The following ZFHX3 variants were observed in gnomAD, a reference collection of about 807,000 sequenced individuals.
ZFHX3 encodes zinc finger homeobox protein 3.
Under a neutral mutation model 279.1 loss-of-function variants are expected in ZFHX3, and 42 were observed. The ratio of observed to expected loss-of-function variants is 0.15; its 90% CI spans 0.12 to 0.19. ZFHX3 has a LOEUF of 0.19. Among genes scored for constraint, ZFHX3 ranks in the 10% least tolerant of loss-of-function variants. The pLI is 1.00. For synonymous variants in ZFHX3, 2,293 were observed against 1,957.8 expected (o/e 1.17, Z -4.52); for missense variants, 4,981 against 4,754.0 (o/e 1.05, Z -1.40).
At chr16:72,996,423 T>C (rs1486358622) in intron 1 of ZFHX3, among the ~76,000 whole-genome samples, 1 of 152,210 alleles carries the variant, frequency 6.6e-6, no homozygotes, top group Non-Finnish European at 1.5e-5. Flanking sequence ...TCATCTTCTG[T>C]AAACCAGTGT....
intron 1 of ZFHX3, among the ~76,000 whole-genome samples, chr16:73,696,152 T>C (rs1408764017): frequency 1.3e-5 from 2 of 152,188 alleles, no homozygotes; most frequent in African/African-American, 4.8e-5. Flanking sequence ...GGTTGAGGGC[T>C]TTCAGTGGCA....
At chr16:73,867,394 G>A (rs757760103) in intron 1 of ZFHX3, among the ~76,000 whole-genome samples, 2 of 152,140 alleles carry the variant, frequency 1.3e-5, no homozygotes, top group Non-Finnish European at 2.9e-5. Flanking sequence ...ACGTAGCTTA[G>A]TAAGGTGGAT....
chr16:72,963,104 G>A (rs573144316), intron 1 of ZFHX3, among the ~76,000 whole-genome samples: 45 of 152,166 alleles, frequency 3.0e-4, no homozygotes, highest in Non-Finnish European at 4.3e-4. Flanking sequence ...TAAAATCAAT[G>A]ATCTTCAGTT....
At chr16:72,948,022 T>C (rs559179865) in intron 3 of ZFHX3, among the ~76,000 whole-genome samples, 1 of 152,216 alleles carries the variant, frequency 6.6e-6, no homozygotes, top group South Asian at 2.1e-4. Context: ...CCTTCCTTAG[T>C]GGCAAGAGAA....
In ZFHX3 at chr16:73,262,616, T is replaced by A. The variant is rs150505369; in HGVS notation, c.-1193-5480A>T. Among the ~76,000 whole-genome samples, 957 of 152,302 alleles carry A rather than the reference T, an allele frequency of 6.3e-3. 19 individuals are homozygous for A. Among genetic ancestry groups the A allele is most frequent in the African/African-American group, 0.022 (904 of 41,554 alleles). ...AAAGTGGTTGCCCAAGGTGGCATCA[T>A]CAACCAGAAGCAGATTTGGCCCTAG... On this transcript the variant is annotated intron_variant, in intron 4 of 17. Coordinates refer to the ZFHX3 transcript ENST00000641206.
chr16:73,195,957 T>C (rs1282933601), intron 5 of ZFHX3, among the ~76,000 whole-genome samples: 1 of 152,192 alleles, frequency 6.6e-6, no homozygotes, highest in African/African-American at 2.4e-5. Flanking sequence ...TATACGTGTA[T>C]ATCTTTGTAT....
At chr16:72,957,320 C>T (rs1390243207) in intron 2 of ZFHX3, 107 bp downstream of exon 2, 28 of 1,370,528 alleles carry the variant, frequency 2.0e-5, no homozygotes, top group Non-Finnish European at 2.8e-5. Flanking sequence ...AAAAACCACT[C>T]GAGAAGACCA....
chr16:73,729,205 CT>C (rs1334130664), intron 1 of ZFHX3, among the ~76,000 whole-genome samples: 1 of 152,202 alleles, frequency 6.6e-6, no homozygotes, highest in Non-Finnish European at 1.5e-5. Flanking sequence ...TGCTGGCTGC[CT>C]TCCTTCCCTG....
chr16:73,484,800 T>G (rs12446444), intron 2 of ZFHX3, among the ~76,000 whole-genome samples: 9,559 of 152,296 alleles, frequency 0.063, 658 homozygotes, highest in Admixed American at 0.22. Context: ...TTCATCTATG[T>G]TCCTCCAGTT....
chr16:73,669,329 C>T (rs2052878701), intron 2 of ZFHX3, among the ~76,000 whole-genome samples: 1 of 152,250 alleles, frequency 6.6e-6, no homozygotes, highest in African/African-American at 2.4e-5. Context: ...GCTGGGATTA[C>T]AGGCGTGAGC....
intron 2 of ZFHX3, among the ~76,000 whole-genome samples, chr16:73,464,114 A>G (rs2018519911): frequency 6.6e-6 from 1 of 152,260 alleles, no homozygotes. Context: ...AGTAAAAGCC[A>G]TCAAATATTA....
chr16:73,884,576 C>T (rs1011784523), intron 1 of ZFHX3, among the ~76,000 whole-genome samples: 1 of 152,186 alleles, frequency 6.6e-6, no homozygotes, highest in Non-Finnish European at 1.5e-5. Context: ...CCCTGAGTAC[C>T]AGTGGTGTTT....
chr16:73,707,872 G>A (rs2053320301), intron 1 of ZFHX3, among the ~76,000 whole-genome samples: 1 of 152,158 alleles, frequency 6.6e-6, no homozygotes, highest in South Asian at 2.1e-4. Flanking sequence ...CTTGGGAGAC[G>A]GAGGAGCGGG....
chr16:72,794,364 A>G lies in ZFHX3; in HGVS notation c.8318T>C (p.Leu2773Pro). 2 of 1,602,440 alleles carry G rather than the reference A, an allele frequency of 1.2e-6. No individual in the cohort carries two copies. Among genetic ancestry groups the G allele is most frequent in the Non-Finnish European group, 1.7e-6 (2 of 1,173,924 alleles). Residue 2773 changes from leucine to proline, a missense_variant, in exon 9 of 10, where the codon CTA becomes CCA. Leu to Pro is a moderately conservative substitution (Grantham distance 98, BLOSUM62 -3). Transcript: ENST00000268489. This position sits in a 1 kb window ranked among gnomAD's most constrained non-coding sequence, Gnocchi z 4.2. ...DIFDGTSFSH[L>P]PPSSSDGQGV... The stretch of plus-strand genomic sequence containing the variant: ...CTGACCATCACTACTGCTTGGGGGT[A>G]GGTGGGAAAAGCTAGTTCCGTCAAA...
chr16:73,131,771 G>A (rs555054896), intron 6 of ZFHX3, among the ~76,000 whole-genome samples: 4 of 152,312 alleles, frequency 2.6e-5, no homozygotes, highest in South Asian at 2.1e-4. Context: ...ACTAGGTACT[G>A]TATTCCAGTT....
intron 1 of ZFHX3, among the ~76,000 whole-genome samples, chr16:73,802,671 T>TG (rs1189771641): frequency 1.3e-5 from 2 of 152,226 alleles, no homozygotes; most frequent in Non-Finnish European, 2.9e-5. Flanking sequence ...GACACTGCTC[T>TG]GCCCTTTTTT....
chr16:73,202,581 C>T (rs1330603913), intron 5 of ZFHX3, among the ~76,000 whole-genome samples: 2 of 152,162 alleles, frequency 1.3e-5, no homozygotes, highest in Non-Finnish European at 2.9e-5. Flanking sequence ...CTGGGCCAAC[C>T]AGATGGTGCT....
chr16:73,393,564 C>T (rs11149760), intron 3 of ZFHX3, among the ~76,000 whole-genome samples: 56,280 of 152,072 alleles, frequency 0.37, 11,861 homozygotes, highest in Non-Finnish European at 0.49. Flanking sequence ...AAGTCGCTGG[C>T]GAGAAAATCA....
At chr16:73,030,388 T>C (rs1256170380) in intron 1 of ZFHX3, among the ~76,000 whole-genome samples, 1 of 152,138 alleles carries the variant, frequency 6.6e-6, no homozygotes, top group Non-Finnish European at 1.5e-5. Context: ...CCCAGTTCCA[T>C]GGAAGGAGAG....
Sources: gnomAD v4.1 joint callset for allele counts (sites outside exome capture counted in the v4.1 genomes callset) on GRCh38, gnomAD v4.1.1 for gene constraint, Gnocchi (gnomAD v3.1) non-coding constraint, MANE v1.5 for transcripts, NCBI Gene and HGNC (gene_info 2026-07-23, HGNC 2026-07-21) for gene names.